DBX2: variants seen among roughly 807,000 people sequenced by gnomAD.
DBX2 encodes homeobox protein DBX2.
Under a neutral mutation model 17.7 loss-of-function variants are expected in DBX2, and 16 were observed. The ratio of observed to expected loss-of-function variants is 0.90; its 90% CI spans 0.61 to 1.37. DBX2 has a LOEUF of 1.37. Ranked by LOEUF, DBX2 falls within the 40% of genes most tolerant of loss-of-function variation. The pLI is 0.00. For synonymous variants in DBX2, 255 were observed against 183.8 expected (o/e 1.39, Z -3.13); for missense variants, 538 against 433.8 (o/e 1.24, Z -2.13).
At chr12:45,023,548 C>T (rs1946364455) in intron 3 of DBX2, among the ~76,000 whole-genome samples, 159 bp downstream of exon 3, 1 of 152,162 alleles carries the variant, frequency 6.6e-6, no homozygotes, top group South Asian at 2.1e-4. Context: ...GCTCCAGTAC[C>T]ATGCCTGGTA....
intron 3 of DBX2, among the ~76,000 whole-genome samples, chr12:45,018,902 T>C (rs1433976123): frequency 6.6e-6 from 1 of 151,734 alleles, no homozygotes; most frequent in African/African-American, 2.4e-5. Context: ...AAAGTACAAA[T>C]GCCATATTAC....
chr12:45,015,651 A>C lies in DBX2; in HGVS notation c.*635T>G, dbSNP rs1946319239. ...TAAGGATACTAATAGTTATATACAG[A>C]AATTCTTCTAATTTGCTTGTTAGGT... On this transcript the variant is annotated 3_prime_UTR_variant, in exon 4 of 4. Transcript: ENST00000332700. The C allele has an allele frequency of 6.6e-6, 1 of 152,188 alleles. No homozygotes were observed. Among genetic ancestry groups the C allele is most frequent in the South Asian group, 2.1e-4 (1 of 4,830 alleles). The allele number at this position is 152,188 out of a possible 1,614,324, so 9.4% of individuals were successfully genotyped here.
At chr12:45,049,424 A>G (rs886338129) in intron 1 of DBX2, among the ~76,000 whole-genome samples, 2 of 152,186 alleles carry the variant, frequency 1.3e-5, no homozygotes. Context: ...TAGGTTTTAC[A>G]CTAGGTGAAT....
At position 45,050,466 on chromosome 12, in the gene DBX2, T is replaced by C. The variant is rs1946524022; in HGVS notation, c.403+59A>G. Reference sequence around the variant, plus strand: ...CGCACCGCCGGCGCTCCCAGATCCCTGGACCACCCGGCCTGGGGGCGCGGG... The same window carrying C: ...CGCACCGCCGGCGCTCCCAGATCCCCGGACCACCCGGCCTGGGGGCGCGGG... On this transcript the variant is annotated intron_variant, in intron 1 of 3. Coordinates refer to ENST00000332700, the MANE Select transcript of DBX2 (RefSeq NM_001004329.3). 6 of 1,534,594 alleles carry C rather than the reference T, an allele frequency of 3.9e-6. No homozygotes were observed. In the Admixed American group the frequency reaches 8.0e-5, roughly 20 times the overall value.
At chr12:45,038,419 G>C (rs751749845) in intron 1 of DBX2, among the ~76,000 whole-genome samples, 4 of 151,396 alleles carry the variant, frequency 2.6e-5, no homozygotes, top group Non-Finnish European at 5.9e-5. Flanking sequence ...AAAGGTTTTG[G>C]TTTTGTTTTT....
rs1167990132 is a variant in DBX2, at chr12:45,047,281, C to CA, written c.403+3243dup. 2.6e-5 allele frequency among the ~76,000 whole-genome samples: 4 copies of CA among 152,196 alleles called. No individual in the cohort carries two copies. The East Asian group carries it at 7.7e-4, about 29-fold the overall frequency. On this transcript the variant is annotated intron_variant, in intron 1 of 3. Transcript: ENST00000332700. ...CTTCTGAGGAAGGATGTCTAATAAT[C>CA]AGAGTTTACTCAAAAAACCTCCTGG...
In DBX2 at chr12:45,016,037, G is replaced by A. The variant is rs765623263; in HGVS notation, c.*249C>T. 4.6e-5 allele frequency: 17 copies of A among 368,418 alleles called. No homozygotes were observed. In the East Asian group the frequency reaches 5.5e-4, roughly 12 times the overall value. 22.8% of individuals were successfully genotyped at this position (368,418 alleles called of 1,614,324 possible). A position where few individuals can be genotyped will look rare whatever the true frequency, so the allele number is the denominator to read the frequency against. ...TATACACATACTCAGAGCAGGGACCGAGCCAGCTGTTGCTCTCCTTCTTTT... is the reference window on the plus strand; with the variant it reads ...TATACACATACTCAGAGCAGGGACCAAGCCAGCTGTTGCTCTCCTTCTTTT... On this transcript the variant is annotated 3_prime_UTR_variant, in exon 4 of 4. Coordinates refer to ENST00000332700, the MANE Select transcript of DBX2 (RefSeq NM_001004329.3).
chr12:45,030,242 CCAAA>C (rs63308560), intron 2 of DBX2, among the ~76,000 whole-genome samples: 43,246 of 151,856 alleles, frequency 0.28, 7,536 homozygotes, highest in Non-Finnish European at 0.41. Context: ...GCAAGCACTA[CCAAA>C]CAAAGACAGA....
At chr12:45,046,461 T>G (rs1032120248) in intron 1 of DBX2, among the ~76,000 whole-genome samples, 1 of 152,098 alleles carries the variant, frequency 6.6e-6, no homozygotes, top group Admixed American at 6.6e-5. Flanking sequence ...CACTCAAAAT[T>G]CTATGATTTT....
Position 45,016,158 on chromosome 12 carries a change from G to T in DBX2, c.*128C>A. ...AGAACACTAGAGTGGGTTTCCTAAAGCATTAGTTCATACATCGCTCCAAAG... is the reference window on the plus strand; with the variant it reads ...AGAACACTAGAGTGGGTTTCCTAAATCATTAGTTCATACATCGCTCCAAAG... On this transcript the variant is annotated 3_prime_UTR_variant, in exon 4 of 4. Transcript: ENST00000332700. 1.0e-6 allele frequency: 1 copy of T among 998,116 alleles called. No individual in the cohort carries two copies. Among genetic ancestry groups the T allele is most frequent in the Non-Finnish European group, 1.4e-6 (1 of 713,116 alleles). The allele number at this position is 998,116 out of a possible 1,614,324, so 61.8% of individuals were successfully genotyped here.
chr12:45,050,854 A>G lies in DBX2; in HGVS notation c.74T>C (p.Leu25Pro). The G allele has an allele frequency of 6.5e-7, 1 of 1,536,442 alleles. No individual in the cohort carries two copies. The highest frequency in any genetic ancestry group is 8.7e-7 in the Non-Finnish European group (1 of 1,144,520). ...GTTGCCAAAGCCGGGCGCAGCGGGG[A>G]GGTTGAGGAGCGCGGAGGAAGCCAC... ...DVVASSALLN[L>P]PAAPGFGNLG... The change falls in exon 1 of 4, where the codon CTC (leucine) becomes CCC (proline). Residue 25 changes from leucine (L) to proline (P), a missense_variant. Leu to Pro is a moderately conservative substitution (Grantham distance 98, BLOSUM62 -3). Coordinates refer to ENST00000332700, the MANE Select transcript of DBX2 (RefSeq NM_001004329.3).
chr12:45,048,347 T>A (rs1946510824), intron 1 of DBX2, among the ~76,000 whole-genome samples: 1 of 152,170 alleles, frequency 6.6e-6, no homozygotes, highest in Non-Finnish European at 1.5e-5. Flanking sequence ...AGTTAGTGTC[T>A]AAAGGATCAG....
At chr12:45,050,058 A>G (rs1430883834) in intron 1 of DBX2, among the ~76,000 whole-genome samples, 1 of 152,104 alleles carries the variant, frequency 6.6e-6, no homozygotes, top group Non-Finnish European at 1.5e-5. Context: ...CCATCCTAAC[A>G]GTTTCAGTGG....
chr12:45,020,911 A>G (rs1344382483), intron 3 of DBX2, among the ~76,000 whole-genome samples: 4 of 152,106 alleles, frequency 2.6e-5, no homozygotes, highest in Non-Finnish European at 1.5e-5. Context: ...AACAAGCGCC[A>G]TTTGTAAATG....
rs148988684 is a variant in DBX2, at chr12:45,016,507, G to T, written c.799C>A (p.Arg267=). The T allele has an allele frequency of 6.2e-7, 1 of 1,613,136 alleles. No homozygotes were observed. The highest frequency in any genetic ancestry group is 8.5e-7 in the Non-Finnish European group (1 of 1,179,716). ...GGAGAAGGGAAACCCAGAGCAGACC[G>T]TGAGAGGGGATCCTCTTGAAGACCT... ...EVGLQEDPLS[R]SALGFPSPCP... Residue 267 remains arginine (R), a synonymous_variant, in exon 4 of 4, where the codon CGG becomes AGG. Transcript: ENST00000332700.
At chr12:45,031,221 TGTGTGAGAGAGAGA>T (rs954218871) in intron 2 of DBX2, among the ~76,000 whole-genome samples, 13 of 64,098 alleles carry the variant, frequency 2.0e-4, no homozygotes, top group African/African-American at 8.1e-4. Context: ...TGTGTGTGTG[TGTGTGAGAGAGAGA>T]GAGAGAGAGA....
chr12:45,033,458 G>A (rs1364975432), intron 2 of DBX2, among the ~76,000 whole-genome samples: 1 of 151,750 alleles, frequency 6.6e-6, no homozygotes, highest in South Asian at 2.1e-4. Flanking sequence ...CTTATTATTA[G>A]AAAAAGGAGA....
chr12:45,027,701 T>C (rs1308441815), intron 2 of DBX2, among the ~76,000 whole-genome samples: 3 of 152,124 alleles, frequency 2.0e-5, no homozygotes, highest in African/African-American at 7.2e-5. Context: ...AAACACAGAA[T>C]TGTGTTATTG....
chr12:45,047,407 G>GC (rs1946506047), intron 1 of DBX2, among the ~76,000 whole-genome samples: 1 of 151,928 alleles, frequency 6.6e-6, no homozygotes, highest in Admixed American at 6.6e-5. Context: ...CCCTAAATGT[G>GC]CCCCTCCCTA....
Sources: allele counts gnomAD v4.1 joint callset (sites outside exome capture counted in the v4.1 genomes callset), GRCh38; gene constraint gnomAD v4.1.1; transcripts MANE v1.5; gene names NCBI Gene and HGNC (gene_info 2026-07-23, HGNC 2026-07-21).